FSIP2: variants seen among roughly 807,000 people sequenced by gnomAD.
The protein encoded by FSIP2 is fibrous sheath-interacting protein 2.
FSIP2 carries 367 observed loss-of-function variants against 510.5 expected under a neutral mutation model. The ratio of observed to expected loss-of-function variants is 0.72; its 90% CI spans 0.66 to 0.78. The LOEUF is 0.78. Ranked by LOEUF, FSIP2 falls within the 30% of genes least tolerant of loss-of-function variation. FSIP2 has a pLI of 0.00. For missense variants in FSIP2, 7,594 were observed against 7,901.7 expected (o/e 0.96, Z 1.48); for synonymous variants, 2,601 against 2,732.2 (o/e 0.95, Z 1.50).
At chr2:185,809,210 G>A (rs1448430596) in intron 17 of FSIP2, 77 bp downstream of exon 17, 1 of 1,457,754 alleles carries the variant, frequency 6.9e-7, no homozygotes, top group Non-Finnish European at 9.1e-7. Context: ...CCTCAAATAA[G>A]TATATGGAAA....
chr2:185,740,385 A>T (rs1559007129), intron 2 of FSIP2: 2 of 151,582 alleles, frequency 1.3e-5, no homozygotes, highest in East Asian at 1.9e-4. Context: ...CTACCCCCAA[A>T]CCTCCCCAGC....
intron 13 of FSIP2, among the ~76,000 whole-genome samples, chr2:185,777,943 G>A (rs1312694769): frequency 1.3e-5 from 2 of 151,820 alleles, no homozygotes; most frequent in Admixed American, 1.3e-4. Flanking sequence ...TTGAATGTTC[G>A]GTAGAAGTCA....
intron 12 of FSIP2, 132 bp from the exon 13 acceptor site, chr2:185,764,370 A>G (rs1345880919): frequency 3.8e-6 from 2 of 533,228 alleles, no homozygotes; most frequent in East Asian, 3.0e-5. Flanking sequence ...TGCATTTCTT[A>G]TAAATTGACA....
At chr2:185,813,439 C>T (rs756769241) in intron 17 of FSIP2, 106 bp from the exon 18 acceptor site, 121 of 594,108 alleles carry the variant, frequency 2.0e-4, no homozygotes, top group Middle Eastern at 5.0e-4. Flanking sequence ...GAAGATATTA[C>T]TTAAATCAAA....
At chr2:185,821,017 A>G (rs1340003062) in intron 19 of FSIP2, among the ~76,000 whole-genome samples, 1 of 47,546 alleles carries the variant, frequency 2.1e-5, no homozygotes, top group Admixed American at 2.0e-4. Flanking sequence ...GTTAAAAAAA[A>G]AAAAAAAAAA....
chr2:185,747,404 G>A lies in FSIP2; in HGVS notation c.851G>A (p.Arg284Lys). 1 of 1,521,796 alleles carries A rather than the reference G, an allele frequency of 6.6e-7. No individual in the cohort carries two copies. The highest frequency in any genetic ancestry group is 1.2e-5 in the South Asian group (1 of 83,734). 94.3% of individuals were successfully genotyped at this position (1,521,796 alleles called of 1,614,324 possible). The change falls in exon 7 of 23, where the codon AGA becomes AAA. Residue 284 changes from arginine to lysine, a missense_variant. Physicochemically the swap from Arg to Lys is conservative, Grantham distance 26 (BLOSUM62 2). Transcript: ENST00000424728. ...ATAGAAGAACAACAGCATAGAAACA[G>A]AGAAGAGAGTGACAGGAAGGTAGGG... ...ERIEEQQHRN[R>K]EESDRKKQDL...
rs1250017344 is a variant in FSIP2 at position 185,796,303 on chromosome 2, A to G, written c.9167A>G (p.Asn3056Ser). 1 of 1,533,534 alleles carries G rather than the reference A, an allele frequency of 6.5e-7. No homozygotes were observed. Among genetic ancestry groups the G allele is most frequent in the African/African-American group, 1.4e-5 (1 of 72,880 alleles). The allele number at this position is 1,533,534 out of a possible 1,614,324, so 95.0% of individuals were successfully genotyped here. ...ATGTTTTCTGATAAATCCGAGTCAA[A>G]TACTATTAATTTCAAGGAAAACATA... ...LKMFSDKSES[N>S]TINFKENIQN... is the part of the protein sequence containing the mutation. Residue 3056 changes from asparagine to serine, a missense_variant, in exon 16 of 23, where the codon AAT (asparagine) becomes AGT (serine). Transcript: ENST00000424728.
Position 185,761,053 on chromosome 2 carries a change from GCTT to G in FSIP2, c.1147_1149del (p.Ser383del), listed in dbSNP as rs1692340664. 2.0e-6 allele frequency: 3 copies of G among 1,505,844 alleles called. No homozygotes were observed. Among genetic ancestry groups the G allele is most frequent in the Non-Finnish European group, 2.7e-6 (3 of 1,123,806 alleles). 93.3% of individuals were successfully genotyped at this position (1,505,844 alleles called of 1,614,324 possible). On this transcript the variant is annotated inframe_deletion, in exon 10 of 23. Transcript: ENST00000424728. ...AAATAATTTTACGAAAAAAAACTCA[GCTT>G]CTGTTGTTTATCAGGCAGATGTACA...
In FSIP2 at chr2:185,766,389, A is replaced by C. The variant is rs1692480456; in HGVS notation, c.1411+1824A>C. On this transcript the variant is annotated intron_variant, in intron 13 of 22. Transcript: ENST00000424728. The stretch of plus-strand genomic sequence containing the variant: ...ATCAGAGTGAACAGGCAACCTACAA[A>C]ATGGGAGAAAATTTTCGCAACCTAC... 2.0e-5 allele frequency: 3 copies of C among 148,632 alleles called. No homozygotes were observed. The South Asian group carries it at 7.0e-4, about 35-fold the overall frequency. 9.2% of individuals were successfully genotyped at this position (148,632 alleles called of 1,614,324 possible). A position where few individuals can be genotyped will look rare whatever the true frequency, so the allele number is the denominator to read the frequency against.
chr2:185,815,475 T>G lies in FSIP2; in HGVS notation c.20426+4T>G. On this transcript the variant is annotated splice_donor_region_variant and intron_variant, in intron 19 of 22. Coordinates refer to ENST00000424728, the MANE Select transcript of FSIP2 (RefSeq NM_173651.4). ...AAGATCTCATTTCATCTACTGGGTA[T>G]ATGAAATTAAAGCAGTAGAAATATA... The G allele has an allele frequency of 7.9e-7, 1 of 1,265,438 alleles. No individual in the cohort carries two copies. Among genetic ancestry groups the G allele is most frequent in the Non-Finnish European group, 1.1e-6 (1 of 889,290 alleles). The allele number at this position is 1,265,438 out of a possible 1,614,324, so 78.4% of individuals were successfully genotyped here. A position where few individuals can be genotyped will look rare whatever the true frequency, so the allele number is the denominator to read the frequency against.
At chr2:185,772,999 TAC>T (rs1692639112) in intron 13 of FSIP2, among the ~76,000 whole-genome samples, 1 of 152,128 alleles carries the variant, frequency 6.6e-6, no homozygotes, top group South Asian at 2.1e-4. Context: ...TAGCTGAGAC[TAC>T]AGACACATGC....
chr2:185,747,428 G>T lies in FSIP2; in HGVS notation c.870+5G>T. Reference sequence around the variant, plus strand: ...AGAGAAGAGAGTGACAGGAAGGTAGGGTGAGCTTTAACCTCTAACTTGAGC... The same window carrying T: ...AGAGAAGAGAGTGACAGGAAGGTAGTGTGAGCTTTAACCTCTAACTTGAGC... On this transcript the variant is annotated splice_donor_5th_base_variant and intron_variant, in intron 7 of 22. Coordinates refer to ENST00000424728, the MANE Select transcript of FSIP2 (RefSeq NM_173651.4). The T allele has an allele frequency of 6.8e-7, 1 of 1,463,408 alleles. No homozygotes were observed. Among genetic ancestry groups the T allele is most frequent in the South Asian group, 1.2e-5 (1 of 82,584 alleles). 90.7% of individuals were successfully genotyped at this position (1,463,408 alleles called of 1,614,324 possible).
chr2:185,802,662 G>A lies in FSIP2; in HGVS notation c.13356G>A (p.Glu4452=). 1 of 1,533,680 alleles carries A rather than the reference G, an allele frequency of 6.5e-7. No homozygotes were observed. Among genetic ancestry groups the A allele is most frequent in the Non-Finnish European group, 8.7e-7 (1 of 1,145,322 alleles). The change falls in exon 17 of 23, where the codon GAG becomes GAA. Residue 4452 remains glutamate (E), a synonymous_variant. Transcript: ENST00000424728. ...TTAGTAACATCAGTAAATCTACTGA[G>A]CCAAGCCAGAGTGTACCTCTATATA... ...DILSNISKST[E]PSQSVPLYNT...
At chr2:185,765,944 TTGTC>T (rs1692467306) in intron 13 of FSIP2, 1 of 150,044 alleles carries the variant, frequency 6.7e-6, no homozygotes, top group Non-Finnish European at 1.5e-5. Context: ...GGCTCTCTGT[TTGTC>T]TGTTGTTGGT....
At chr2:185,823,516 C>G (rs1182760927) in intron 19 of FSIP2, among the ~76,000 whole-genome samples, 1 of 150,606 alleles carries the variant, frequency 6.6e-6, no homozygotes, top group Non-Finnish European at 1.5e-5. Context: ...ATGCCACTTT[C>G]AACACATTAA....
chr2:185,791,671 T>C lies in FSIP2; in HGVS notation c.4535T>C (p.Ile1512Thr), dbSNP rs1693133182. The part of the protein sequence containing the change: ...TSFASCGLKA[I>T]SESLDIDNPS... ...TTTGCAAGTTGTGGATTAAAAGCTA[T>C]CTCAGAGTCTCTTGACATTGACAAC... The change falls in exon 16 of 23, where the codon ATC (isoleucine) becomes ACC (threonine). Residue 1512 changes from isoleucine to threonine, a missense_variant. Ile to Thr is a moderately conservative substitution (Grantham distance 89). Transcript: ENST00000424728. 6.5e-7 allele frequency: 1 copy of C among 1,534,036 alleles called. No homozygotes were observed. Among genetic ancestry groups the C allele is most frequent in the Non-Finnish European group, 8.7e-7 (1 of 1,145,548 alleles).
chr2:185,803,307 G>C lies in FSIP2; in HGVS notation c.14001G>C (p.Gly4667=). 6.5e-7 allele frequency: 1 copy of C among 1,528,090 alleles called. No individual in the cohort carries two copies. Among genetic ancestry groups the C allele is most frequent in the African/African-American group, 1.4e-5 (1 of 72,640 alleles). The allele number at this position is 1,528,090 out of a possible 1,614,324, so 94.7% of individuals were successfully genotyped here. The stretch of plus-strand genomic sequence containing the variant: ...AAGAACTCATACATTTGATTACAGG[G>C]GAATTCTCAAAAGCCCAAGTTAGCA... The part of the protein sequence containing the change: ...KAEELIHLIT[G]EFSKAQVSII... Residue 4667 remains glycine (G), a synonymous_variant, in exon 17 of 23, where the codon GGG becomes GGC. Coordinates refer to ENST00000424728, the MANE Select transcript of FSIP2 (RefSeq NM_173651.4).
intron 16 of FSIP2, among the ~76,000 whole-genome samples, chr2:185,798,433 T>C (rs896051172): frequency 1.3e-5 from 2 of 151,892 alleles, no homozygotes; most frequent in Non-Finnish European, 2.9e-5. Context: ...TGAAACAACA[T>C]GTAATCGTCA....
rs1362629503 is a variant in FSIP2, at chr2:185,791,637, G to C, written c.4501G>C (p.Asp1501His). Residue 1501 changes from aspartate (D) to histidine (H), a missense_variant, in exon 16 of 23, where the codon GAT (aspartate) becomes CAT (histidine). Transcript: ENST00000424728. ...ILAKLCGVDMDTSFASCGLKA... is the reference protein window; with the variant it reads ...ILAKLCGVDMHTSFASCGLKA... ...TGCAAAATTATGTGGTGTTGACATG[G>C]ATACCAGTTTTGCAAGTTGTGGATT... 8 of 1,534,016 alleles carry C rather than the reference G, an allele frequency of 5.2e-6. No homozygotes were observed. In the Admixed American group the frequency reaches 1.2e-4, roughly 23 times the overall value.
Sources: allele counts gnomAD v4.1 joint callset (sites outside exome capture counted in the v4.1 genomes callset), GRCh38; gene constraint gnomAD v4.1.1; transcripts MANE v1.5; gene names NCBI Gene and HGNC (gene_info 2026-07-23, HGNC 2026-07-21).